Variants in MAJIN observed in about 807,000 individuals in gnomAD.
MAJIN encodes the protein membrane anchored junction protein.
In MAJIN, 27 loss-of-function variants were observed where a neutral mutation model predicts 30.2. The ratio of observed to expected loss-of-function variants is 0.89; its 90% CI spans 0.66 to 1.23. The LOEUF (loss-of-function observed/expected upper bound fraction) is 1.23. Ranked by LOEUF, MAJIN falls within the 50% of genes most tolerant of loss-of-function variation. MAJIN has a pLI of 0.00. For missense variants in MAJIN, 253 were observed against 260.3 expected (o/e 0.97, Z 0.19); for synonymous variants, 78 against 91.6 (o/e 0.85, Z 0.85).
At chr11:64,964,344 A>G (rs1385389325) in intron 1 of MAJIN, among the ~76,000 whole-genome samples, 3 of 152,200 alleles carry the variant, frequency 2.0e-5, no homozygotes, top group Admixed American at 6.5e-5. Flanking sequence ...ATGAACGCCT[A>G]TAGCTGGAGA....
In MAJIN at chr11:64,959,387, T is replaced by TA; in HGVS notation, c.18dup (p.Thr7TyrfsTer18). 1.2e-6 allele frequency: 2 copies of TA among 1,613,648 alleles called. No homozygotes were observed. Among genetic ancestry groups the TA allele is most frequent in the Non-Finnish European group, 1.7e-6 (2 of 1,179,648 alleles). On this transcript the variant is annotated frameshift_variant, in exon 3 of 11. Coordinates refer to ENST00000301896, the MANE Select transcript of MAJIN (RefSeq NM_001037225.3). LOFTEE classifies it high-confidence loss of function. ...AACCTCGTCTCTGGAAACGGGTAGGTAAAGGGTTTTAAACTCATTGCTCCC... is the reference window on the plus strand; with the variant it reads ...AACCTCGTCTCTGGAAACGGGTAGGTAAAAGGGTTTTAAACTCATTGCTCCC...
intron 6 of MAJIN, among the ~76,000 whole-genome samples, chr11:64,948,319 G>A (rs572588209): frequency 1.3e-5 from 2 of 151,858 alleles, no homozygotes; most frequent in Admixed American, 6.6e-5. Flanking sequence ...AGCTAGAAAG[G>A]GTTTGAAAAG....
At chr11:64,963,911 T>C (rs1433119988) in intron 1 of MAJIN, among the ~76,000 whole-genome samples, 2 of 152,174 alleles carry the variant, frequency 1.3e-5, no homozygotes, top group Non-Finnish European at 2.9e-5. Flanking sequence ...ACCTGTGTTT[T>C]AGAAATGAGA....
chr11:64,955,782 T>C (rs1945620754), intron 3 of MAJIN, among the ~76,000 whole-genome samples: 2 of 152,240 alleles, frequency 1.3e-5, no homozygotes, highest in African/African-American at 4.8e-5. Flanking sequence ...CGATACTGTA[T>C]AATGAAATGT....
At chr11:64,961,292 C>T (rs1431748896) in intron 1 of MAJIN, among the ~76,000 whole-genome samples, 2 of 148,790 alleles carry the variant, frequency 1.3e-5, no homozygotes, top group South Asian at 2.1e-4. Flanking sequence ...CTCAGCCTCC[C>T]GAGTAGCAGG....
chr11:64,944,762 G>A (rs1945425694), intron 8 of MAJIN, among the ~76,000 whole-genome samples: 1 of 152,218 alleles, frequency 6.6e-6, no homozygotes, highest in Non-Finnish European at 1.5e-5. Flanking sequence ...AGTTGTTTGT[G>A]TTTGGATACT....
intron 8 of MAJIN, among the ~76,000 whole-genome samples, chr11:64,941,866 C>T (rs1200413672): frequency 1.3e-5 from 2 of 152,060 alleles, no homozygotes; most frequent in African/African-American, 2.4e-5. Context: ...GCATTCCAGA[C>T]AGGGACATGA....
intron 1 of MAJIN, among the ~76,000 whole-genome samples, chr11:64,971,469 G>C (rs967152283): frequency 6.6e-6 from 1 of 151,408 alleles, no homozygotes; most frequent in Non-Finnish European, 1.5e-5. Flanking sequence ...GTTGCGGGGG[G>C]GCGGGGAAGG....
At chr11:64,971,148 C>G (rs1945895230) in intron 1 of MAJIN, among the ~76,000 whole-genome samples, 1 of 152,070 alleles carries the variant, frequency 6.6e-6, no homozygotes, top group Non-Finnish European at 1.5e-5. Context: ...CCAAAATTAG[C>G]CGGGTATGGT....
Position 64,939,714 on chromosome 11 carries a change from T to C in MAJIN, c.600A>G (p.Thr200=). The change falls in exon 10 of 11, where the codon ACA becomes ACG. Residue 200 remains threonine, a synonymous_variant. Coordinates refer to ENST00000301896, the MANE Select transcript of MAJIN (RefSeq NM_001037225.3). The part of the protein sequence containing the change: ...CQGELSHPCS[T]THLHLRSEQP... Reference sequence around the variant, plus strand: ...GCTCGCTCCTTAGGTGGAGGTGAGTTGTGCTGCAGGGGTGGGACAATTCGC... The same window carrying C: ...GCTCGCTCCTTAGGTGGAGGTGAGTCGTGCTGCAGGGGTGGGACAATTCGC... The C allele has an allele frequency of 6.2e-7, 1 of 1,614,122 alleles. No individual in the cohort carries two copies. The highest frequency in any genetic ancestry group is 8.5e-7 in the Non-Finnish European group (1 of 1,179,984).
At chr11:64,956,350 G>T (rs956037895) in intron 3 of MAJIN, among the ~76,000 whole-genome samples, 7 of 151,754 alleles carry the variant, frequency 4.6e-5, no homozygotes, top group African/African-American at 1.5e-4. Context: ...TTAGCTGGAC[G>T]TGGTGGCGGG....
intron 8 of MAJIN, among the ~76,000 whole-genome samples, chr11:64,944,798 T>C (rs961494920): frequency 6.6e-6 from 1 of 151,758 alleles, no homozygotes; most frequent in Non-Finnish European, 1.5e-5. Context: ...TTTGGAGACA[T>C]AGAGAAAAAA....
intron 1 of MAJIN, among the ~76,000 whole-genome samples, chr11:64,965,125 A>T (rs1341216298): frequency 1.3e-5 from 2 of 152,216 alleles, no homozygotes; most frequent in Non-Finnish European, 2.9e-5. Flanking sequence ...CTAATGACAT[A>T]AGACTACCCA....
intron 1 of MAJIN, among the ~76,000 whole-genome samples, chr11:64,969,683 G>C (rs1209653951): frequency 1.3e-5 from 2 of 151,860 alleles, no homozygotes; most frequent in East Asian, 3.9e-4. Context: ...AGCTGAGGCA[G>C]GCAAGACTCT....
intron 2 of MAJIN, 79 bp from the exon 3 acceptor site, chr11:64,959,501 T>A: frequency 9.3e-7 from 1 of 1,079,432 alleles, no homozygotes; most frequent in Non-Finnish European, 1.4e-6. Context: ...GCCCAATCTG[T>A]AACATCTCTT....
chr11:64,964,206 A>G (rs1565145270), intron 1 of MAJIN, among the ~76,000 whole-genome samples: 1 of 152,062 alleles, frequency 6.6e-6, no homozygotes, highest in Non-Finnish European at 1.5e-5. Flanking sequence ...AGCCTCCCAA[A>G]GTGCTGGGAT....
chr11:64,946,361 G>A (rs1432998155), intron 8 of MAJIN, among the ~76,000 whole-genome samples: 1 of 152,180 alleles, frequency 6.6e-6, no homozygotes, highest in African/African-American at 2.4e-5. Context: ...GGGATCTGGG[G>A]TTTGAGAAAG....
intron 1 of MAJIN, among the ~76,000 whole-genome samples, chr11:64,969,692 C>CT (rs1365272540): frequency 6.6e-6 from 1 of 151,076 alleles, no homozygotes; most frequent in Non-Finnish European, 1.5e-5. Context: ...AGGCAAGACT[C>CT]TGTCTTTTTT....
At chr11:64,944,786 A>G (rs1945426252) in intron 8 of MAJIN, among the ~76,000 whole-genome samples, 1 of 152,246 alleles carries the variant, frequency 6.6e-6, no homozygotes, top group Admixed American at 6.5e-5. Flanking sequence ...GGTCACAGCA[A>G]CTTTGGAGAC....
Sources: allele counts gnomAD v4.1 joint callset (sites outside exome capture counted in the v4.1 genomes callset), GRCh38; gene constraint gnomAD v4.1.1; transcripts MANE v1.5; gene names NCBI Gene and HGNC (gene_info 2026-07-23, HGNC 2026-07-21).